Variants in WDR7 observed in about 807,000 individuals in gnomAD.
WDR7 encodes WD repeat-containing protein 7.
Under a neutral mutation model 169.4 loss-of-function variants are expected in WDR7, and 46 were observed. The ratio of observed to expected loss-of-function variants is 0.27; its 90% CI spans 0.21 to 0.35. WDR7 has a LOEUF of 0.35. Among genes scored for constraint, WDR7 ranks in the 10% least tolerant of loss-of-function variants. The probability of loss-of-function intolerance (pLI) is 1.00; values close to 1 mark genes in which losing one functional copy is unlikely to be tolerated. For synonymous variants in WDR7, 612 were observed against 666.8 expected (o/e 0.92, Z 1.27); for missense variants, 1,534 against 1,859.3 (o/e 0.83, Z 3.22).
chr18:57,005,829 C>T (rs1351306031), intron 26 of WDR7, among the ~76,000 whole-genome samples: 2 of 152,104 alleles, frequency 1.3e-5, no homozygotes, highest in Non-Finnish European at 2.9e-5. Context: ...AACAAAAAAT[C>T]TCATCTTTTA....
intron 9 of WDR7, 41 bp from the exon 10 acceptor site, chr18:56,694,578 T>G (rs2025655550): frequency 6.5e-7 from 1 of 1,544,468 alleles, no homozygotes; most frequent in Non-Finnish European, 8.7e-7. Flanking sequence ...ATATTTTGAT[T>G]AAAAATACAG....
At chr18:56,984,197 A>C (rs557750262) in intron 26 of WDR7, among the ~76,000 whole-genome samples, 3 of 152,266 alleles carry the variant, frequency 2.0e-5, no homozygotes, top group South Asian at 2.1e-4. Flanking sequence ...TAGAAATAAC[A>C]CCCAATGATT....
intron 21 of WDR7, among the ~76,000 whole-genome samples, chr18:56,902,893 T>C (rs374888891): frequency 6.6e-6 from 1 of 152,152 alleles, no homozygotes; most frequent in Non-Finnish European, 1.5e-5. Context: ...GGTTAACAGA[T>C]TTTTTCATTC....
At chr18:56,985,699 A>G (rs1008953416) in intron 26 of WDR7, among the ~76,000 whole-genome samples, 1 of 151,944 alleles carries the variant, frequency 6.6e-6, no homozygotes, top group African/African-American at 2.4e-5. Context: ...GAGGTTTTAT[A>G]TATTTTATTA....
chr18:56,917,981 C>T (rs189949579), intron 21 of WDR7, among the ~76,000 whole-genome samples: 32 of 152,228 alleles, frequency 2.1e-4, no homozygotes, highest in Non-Finnish European at 2.6e-4. Context: ...TCTCAACAGC[C>T]AGAGGGTCTA....
chr18:56,854,220 G>A (rs748985386), intron 20 of WDR7, among the ~76,000 whole-genome samples: 3 of 152,224 alleles, frequency 2.0e-5, no homozygotes, highest in Non-Finnish European at 2.9e-5. Context: ...CCGGGACACA[G>A]CATTGTTTTA....
intron 26 of WDR7, among the ~76,000 whole-genome samples, chr18:56,966,648 T>A (rs2047413925): frequency 2.0e-5 from 3 of 152,118 alleles, no homozygotes; most frequent in Admixed American, 2.0e-4. Context: ...AAGTTACATG[T>A]TGACTTTTAA....
chr18:56,678,726 A>T (rs1467083183), intron 2 of WDR7, among the ~76,000 whole-genome samples: 1 of 152,084 alleles, frequency 6.6e-6, no homozygotes, highest in East Asian at 1.9e-4. Context: ...TGAACTCCTG[A>T]CCTCATGATC....
At chr18:56,669,871 G>A (rs2025096362) in intron 1 of WDR7, among the ~76,000 whole-genome samples, 1 of 152,056 alleles carries the variant, frequency 6.6e-6, no homozygotes, top group African/African-American at 2.4e-5. Flanking sequence ...GCTACAATAG[G>A]TGATAATGTT....
In WDR7 at chr18:56,733,987, C is replaced by A. The variant is rs571513292; in HGVS notation, c.1989+2390C>A. Among the ~76,000 whole-genome samples the A allele has an allele frequency of 2.6e-5, 4 of 151,760 alleles. No individual in the cohort carries two copies. The South Asian group carries it at 8.3e-4, about 31-fold the overall frequency. On this transcript the variant is annotated intron_variant, in intron 14 of 27. Transcript: ENST00000254442. ...GAACAGAAAGTGCAGAGAGCCTTTTCTTTCGCTGTTTTGCCCTTGTCTTTG... is the reference window on the plus strand; with the variant it reads ...GAACAGAAAGTGCAGAGAGCCTTTTATTTCGCTGTTTTGCCCTTGTCTTTG...
chr18:56,825,665 A>G (rs2045189762), intron 20 of WDR7, among the ~76,000 whole-genome samples: 1 of 152,218 alleles, frequency 6.6e-6, no homozygotes, highest in Admixed American at 6.5e-5. Context: ...TACAAGAGAA[A>G]AAAGAAACAC....
intron 26 of WDR7, among the ~76,000 whole-genome samples, chr18:56,968,019 C>T (rs1191190474): frequency 1.3e-4 from 20 of 152,186 alleles, no homozygotes; most frequent in Non-Finnish European, 2.9e-5. Flanking sequence ...GGTGAGAAAA[C>T]CACAGACAGA....
chr18:56,666,074 T>C (rs2144487847), intron 1 of WDR7, among the ~76,000 whole-genome samples: 1 of 152,182 alleles, frequency 6.6e-6, no homozygotes, highest in South Asian at 2.1e-4. Flanking sequence ...CAATCCTTAG[T>C]GGTGCTGACA....
intron 1 of WDR7, among the ~76,000 whole-genome samples, chr18:56,667,599 G>C (rs1006328581): frequency 6.6e-6 from 1 of 152,088 alleles, no homozygotes; most frequent in South Asian, 2.1e-4. Context: ...AATCTAAATT[G>C]TCGATACTTC....
chr18:56,887,530 T>A (rs987460899), intron 21 of WDR7, among the ~76,000 whole-genome samples: 4 of 152,184 alleles, frequency 2.6e-5, no homozygotes, highest in African/African-American at 9.7e-5. Context: ...TAGTACCTCA[T>A]AGAAACAATT....
chr18:56,911,859 AT>A (rs1228298515), intron 21 of WDR7, among the ~76,000 whole-genome samples: 2 of 152,118 alleles, frequency 1.3e-5, no homozygotes, highest in African/African-American at 4.8e-5. Context: ...TTCTTGCCAT[AT>A]TTTTGGTTGA....
intron 19 of WDR7, among the ~76,000 whole-genome samples, chr18:56,808,337 C>T (rs75083965): frequency 0.02 from 2,967 of 152,022 alleles, 41 homozygotes; most frequent in East Asian, 0.036. Context: ...TTTAATTGGA[C>T]GACTGGAAAA....
chr18:56,748,949 T>TC (rs1568172736), intron 14 of WDR7, among the ~76,000 whole-genome samples: 1 of 151,812 alleles, frequency 6.6e-6, no homozygotes, highest in Non-Finnish European at 1.5e-5. Flanking sequence ...CCTTTCTCCT[T>TC]CTTCCTTCCT....
At chr18:56,864,904 C>T (rs201432043) in intron 20 of WDR7, among the ~76,000 whole-genome samples, 5,973 of 151,918 alleles carry the variant, frequency 0.039, 142 homozygotes, top group Middle Eastern at 0.075. Context: ...AAGAAAGACA[C>T]TGGGTTTTAT....
Sources: gnomAD v4.1 joint callset for allele counts (sites outside exome capture counted in the v4.1 genomes callset) on GRCh38, gnomAD v4.1.1 for gene constraint, MANE v1.5 for transcripts, NCBI Gene and HGNC (gene_info 2026-07-23, HGNC 2026-07-21) for gene names.